The following LYPLAL1 variants were observed in gnomAD, a reference collection of about 807,000 sequenced individuals.
LYPLAL1 encodes the protein lysophospholipase like 1.
A neutral mutation model predicts 19.7 loss-of-function variants in LYPLAL1; 23 were observed. The ratio of observed to expected loss-of-function variants is 1.17; its 90% CI spans 0.84 to 1.65. The LOEUF is 1.65. Among genes scored for constraint, LYPLAL1 ranks in the 40% most tolerant of loss-of-function variants. LYPLAL1 has a pLI of 0.00. For synonymous variants in LYPLAL1, 119 were observed against 96.3 expected, an observed-to-expected ratio of 1.24 and a Z score of -1.38; for missense variants, 355 against 279.4, an observed-to-expected ratio of 1.27 and a Z score of -1.93.
At chr1:219,426,969 G>C in the LYPLAL1 span, among the ~76,000 whole-genome samples, 32 of 152,266 alleles carry the variant, frequency 2.1e-4, no homozygotes, top group East Asian at 3.7e-3. Flanking sequence ...AAGGCAATAT[G>C]GCTAGGAAGG....
chr1:219,206,102 G>C (rs1191483387), intron 3 of LYPLAL1, among the ~76,000 whole-genome samples: 4 of 151,932 alleles, frequency 2.6e-5, no homozygotes, highest in African/African-American at 9.7e-5. Flanking sequence ...ACTTTAAGTG[G>C]ATTTTTTTAA....
At chr1:219,355,032 A>G in the LYPLAL1 span, among the ~76,000 whole-genome samples, 1 of 152,228 alleles carries the variant, frequency 6.6e-6, no homozygotes, top group Non-Finnish European at 1.5e-5. Flanking sequence ...GAAGATGATA[A>G]TGTTATCTGA....
chr1:219,407,627 C>G, the LYPLAL1 span, among the ~76,000 whole-genome samples: 1 of 152,154 alleles, frequency 6.6e-6, no homozygotes, highest in Non-Finnish European at 1.5e-5. Context: ...AGCATAATAG[C>G]ACCCATCTCT....
At chr1:219,367,975 T>C in the LYPLAL1 span, among the ~76,000 whole-genome samples, 1 of 151,364 alleles carries the variant, frequency 6.6e-6, no homozygotes, top group Non-Finnish European at 1.5e-5. Context: ...ATTTCCTATG[T>C]GGATTTGCTC....
chr1:219,312,854 G>A, the LYPLAL1 span, among the ~76,000 whole-genome samples: 2 of 152,152 alleles, frequency 1.3e-5, no homozygotes, highest in African/African-American at 4.8e-5. Flanking sequence ...ATGTAGAGAG[G>A]AAGCACTGAA....
chr1:219,311,217 T>C, the LYPLAL1 span, among the ~76,000 whole-genome samples: 1 of 151,890 alleles, frequency 6.6e-6, no homozygotes, highest in Non-Finnish European at 1.5e-5. Flanking sequence ...AGTCATGGAA[T>C]GGAAAATAGG....
intron 3 of LYPLAL1, among the ~76,000 whole-genome samples, chr1:219,202,942 T>G (rs1191118651): frequency 6.6e-6 from 1 of 152,070 alleles, no homozygotes; most frequent in South Asian, 2.1e-4. Context: ...TGCTTCAGTC[T>G]CCCAGAGTGT....
intron 1 of LYPLAL1, chr1:219,174,320 G>C (rs1655627489): frequency 1.7e-6 from 2 of 1,149,748 alleles, no homozygotes; most frequent in Non-Finnish European, 2.2e-6. Flanking sequence ...TCTTCTGCTA[G>C]AGGGAAATTA....
At chr1:219,370,053 C>T in the LYPLAL1 span, among the ~76,000 whole-genome samples, 1 of 152,220 alleles carries the variant, frequency 6.6e-6, no homozygotes, top group Non-Finnish European at 1.5e-5. Context: ...TGGGATGAGC[C>T]ACACTCAGAG....
At chr1:219,260,945 G>A in the LYPLAL1 span, among the ~76,000 whole-genome samples, 10 of 151,854 alleles carry the variant, frequency 6.6e-5, no homozygotes, top group Admixed American at 2.0e-4. Flanking sequence ...ATTTCAAGCC[G>A]TTTATACTTG....
At chr1:219,243,619 A>T in the LYPLAL1 span, among the ~76,000 whole-genome samples, 1 of 149,630 alleles carries the variant, frequency 6.7e-6, no homozygotes, top group Non-Finnish European at 1.5e-5. Context: ...TAGCTGTTTT[A>T]AAAAAAAATT....
chr1:219,254,967 A>C, the LYPLAL1 span, among the ~76,000 whole-genome samples: 2 of 151,892 alleles, frequency 1.3e-5, no homozygotes, highest in African/African-American at 4.8e-5. Flanking sequence ...CTTACTTTTC[A>C]TTCTTTTTTA....
the LYPLAL1 span, among the ~76,000 whole-genome samples, chr1:219,278,451 C>T: frequency 2.6e-5 from 4 of 152,062 alleles, no homozygotes; most frequent in Admixed American, 1.3e-4. Flanking sequence ...CAATGTATGT[C>T]CGGTTGTCTG....
chr1:219,212,042 G>T lies in LYPLAL1; in HGVS notation c.*314G>T. On this transcript the variant is annotated 3_prime_UTR_variant, in exon 5 of 5. Transcript: ENST00000366928. ...CAATGAAAAAACATGAAAGGACTTA[G>T]CATAATGTTATTTTATCTTTTCTAC... is the stretch of plus-strand genomic sequence containing the variant. 5.5e-6 allele frequency: 1 copy of T among 180,728 alleles called. No homozygotes were observed. The highest frequency in any genetic ancestry group is 1.4e-4 in the East Asian group (1 of 6,944). The allele number at this position is 180,728 out of a possible 1,614,324, so 11.2% of individuals were successfully genotyped here.
At chr1:219,258,932 T>C in the LYPLAL1 span, among the ~76,000 whole-genome samples, 3 of 151,798 alleles carry the variant, frequency 2.0e-5, no homozygotes, top group Non-Finnish European at 4.4e-5. Context: ...AAAAAACAAA[T>C]AATCCCATCA....
At chr1:219,239,141 A>G in the LYPLAL1 span, among the ~76,000 whole-genome samples, 1 of 152,194 alleles carries the variant, frequency 6.6e-6, no homozygotes, top group Non-Finnish European at 1.5e-5. Context: ...AATAGCTAAC[A>G]TTCATTCAGG....
the LYPLAL1 span, among the ~76,000 whole-genome samples, chr1:219,354,346 G>A: frequency 3.3e-5 from 5 of 152,062 alleles, no homozygotes; most frequent in Admixed American, 6.6e-5. Flanking sequence ...ACAGGCACTC[G>A]CCACCAAGCT....
chr1:219,199,909 C>A, intron 3 of LYPLAL1: 1 of 229,110 alleles, frequency 4.4e-6, no homozygotes, highest in South Asian at 7.8e-5. Context: ...ATTTCACTGG[C>A]CTCACAGAGA....
chr1:219,229,294 T>TGAGAGAGAGAGA, the LYPLAL1 span, among the ~76,000 whole-genome samples: 379 of 132,980 alleles, frequency 2.9e-3, 4 homozygotes, highest in African/African-American at 8.2e-3. Flanking sequence ...ACAAGCATTT[T>TGAGAGAGAGAGA]GAGAGAGAGA....
Sources: gnomAD v4.1 joint callset for allele counts (sites outside exome capture counted in the v4.1 genomes callset) on GRCh38, gnomAD v4.1.1 for gene constraint, MANE v1.5 for transcripts, NCBI Gene and HGNC (gene_info 2026-07-23, HGNC 2026-07-21) for gene names.